The following FAF1 variants were observed in gnomAD, a reference collection of about 807,000 sequenced individuals.
FAF1 encodes the protein Fas associated factor 1.
A neutral mutation model predicts 92.5 loss-of-function variants in FAF1; 25 were observed. The ratio of observed to expected loss-of-function variants is 0.27; its 90% confidence interval spans 0.20 to 0.38. FAF1 has a LOEUF of 0.38. Among genes scored for constraint, FAF1 ranks in the 10% least tolerant of loss-of-function variants. The pLI, the probability that FAF1 is intolerant of heterozygous loss-of-function variation, is 1.00. For missense variants in FAF1, 636 were observed against 793.3 expected, an observed-to-expected ratio of 0.80 and a Z score of 2.38; for synonymous variants, 234 against 273.2, an observed-to-expected ratio of 0.86 and a Z score of 1.42.
At chr1:50,774,716 A>G (rs899899570) in intron 4 of FAF1, among the ~76,000 whole-genome samples, 4 of 152,146 alleles carry the variant, frequency 2.6e-5, no homozygotes, top group Admixed American at 2.6e-4. Flanking sequence ...TTAAACAAAT[A>G]GCTGCATGTT....
intron 3 of FAF1, among the ~76,000 whole-genome samples, chr1:50,796,672 C>T (rs1001390405): frequency 6.6e-6 from 1 of 152,096 alleles, no homozygotes; most frequent in African/African-American, 2.4e-5. Context: ...TTTCCCTGGG[C>T]TCCTTTCCTC....
At chr1:50,598,744 G>A (rs1269460653) in intron 8 of FAF1, among the ~76,000 whole-genome samples, 1 of 152,186 alleles carries the variant, frequency 6.6e-6, no homozygotes, top group African/African-American at 2.4e-5. Flanking sequence ...GCTGAGGCGA[G>A]TGGATCACCT....
Position 50,827,023 on chromosome 1 carries a change from G to A in FAF1, c.115-25346C>T, listed in dbSNP as rs528254645. On this transcript the variant is annotated intron_variant, in intron 2 of 18. Transcript: ENST00000396153. Reference sequence around the variant, plus strand: ...ATGTGAGGAGTGCCTCTGCCCGGCCGCCCCGTCTGGGAGGTGAGGAGCGCC... The same window carrying A: ...ATGTGAGGAGTGCCTCTGCCCGGCCACCCCGTCTGGGAGGTGAGGAGCGCC... 4.1e-4 allele frequency among the ~76,000 whole-genome samples: 57 copies of A among 140,540 alleles called. 1 individual carries two copies. The South Asian group carries it at 9.3e-3, about 23-fold the overall frequency. The allele number at this position is 140,540 out of a possible 152,430, so 92.2% of individuals were successfully genotyped here.
chr1:50,763,787 C>T (rs1294545602), intron 4 of FAF1, among the ~76,000 whole-genome samples: 1 of 152,122 alleles, frequency 6.6e-6, no homozygotes, highest in Non-Finnish European at 1.5e-5. Context: ...TTCCAAATGA[C>T]CAATGGATTT....
chr1:50,678,933 A>G (rs1489061868), intron 7 of FAF1, among the ~76,000 whole-genome samples: 1 of 151,164 alleles, frequency 6.6e-6, no homozygotes, highest in African/African-American at 2.4e-5. Flanking sequence ...TAAAAATACA[A>G]AAAAGTAGCC....
chr1:50,537,328 A>G (rs945622920), intron 14 of FAF1, among the ~76,000 whole-genome samples: 7 of 152,198 alleles, frequency 4.6e-5, no homozygotes, highest in African/African-American at 1.4e-4. Flanking sequence ...GCCAAACTGG[A>G]CTTGTAGGTA....
intron 9 of FAF1, among the ~76,000 whole-genome samples, chr1:50,594,907 T>A (rs1375710216): frequency 6.7e-6 from 1 of 148,734 alleles, no homozygotes; most frequent in Non-Finnish European, 1.5e-5. Context: ...TATATATTCT[T>A]TAGGCTCACT....
chr1:50,840,973 C>T (rs1446994289), intron 2 of FAF1, among the ~76,000 whole-genome samples: 2 of 152,094 alleles, frequency 1.3e-5, no homozygotes, highest in East Asian at 3.9e-4. Flanking sequence ...CCACATACTA[C>T]TGAGTCTGGA....
In FAF1 at chr1:50,850,222, C is replaced by T. The variant is rs575467685; in HGVS notation, c.114+7707G>A. ...AAAAACTTAGAGGTAGAAATACATA[C>T]GGCATGTCTGAGAATATAGGCTAAC... On this transcript the variant is annotated intron_variant, in intron 2 of 18. Coordinates refer to ENST00000396153, the MANE Select transcript of FAF1 (RefSeq NM_007051.3). Among the ~76,000 whole-genome samples, 13 of 151,996 alleles carry T rather than the reference C, an allele frequency of 8.6e-5. No homozygotes were observed. In the South Asian group the frequency reaches 2.5e-3, roughly 29 times the overall value.
intron 1 of FAF1, among the ~76,000 whole-genome samples, chr1:50,879,478 T>C (rs1295501025): frequency 1.3e-5 from 2 of 152,140 alleles, no homozygotes; most frequent in Non-Finnish European, 2.9e-5. Flanking sequence ...TGCTATAATA[T>C]ATGTTAAAAA....
chr1:50,579,691 A>C (rs989205336), intron 12 of FAF1, among the ~76,000 whole-genome samples: 3 of 152,148 alleles, frequency 2.0e-5, no homozygotes, highest in African/African-American at 4.8e-5. Context: ...GGAAACAATC[A>C]CACAAATCCA....
intron 1 of FAF1, among the ~76,000 whole-genome samples, chr1:50,931,866 T>G (rs1302674354): frequency 7.6e-6 from 1 of 131,710 alleles, no homozygotes; most frequent in Non-Finnish European, 1.6e-5. Context: ...AGAGCAAGAC[T>G]CTGTCTCAAA....
Position 50,438,027 on chromosome 1 carries a change from A to C in FAF1, c.*3413T>G, listed in dbSNP as rs1646141294. Reference sequence around the variant, plus strand: ...GACAGAGCGAGACTCTGTCTCAAAAAAAAAAAAAAAAAAAAAAAAAAATTA... The same window carrying C: ...GACAGAGCGAGACTCTGTCTCAAAACAAAAAAAAAAAAAAAAAAAAAATTA... On this transcript the variant is annotated 3_prime_UTR_variant, in exon 19 of 19. Transcript: ENST00000396153. 1 of 150,720 alleles carries C rather than the reference A, an allele frequency of 6.6e-6. No homozygotes were observed. Among genetic ancestry groups the C allele is most frequent in the Admixed American group, 6.6e-5 (1 of 15,112 alleles). 9.3% of individuals were successfully genotyped at this position (150,720 alleles called of 1,614,324 possible).
At chr1:50,517,226 T>A (rs942821485) in intron 15 of FAF1, among the ~76,000 whole-genome samples, 7 of 152,136 alleles carry the variant, frequency 4.6e-5, no homozygotes, top group Admixed American at 4.6e-4. Flanking sequence ...CCCCTGCCCT[T>A]ACATACTGGA....
intron 13 of FAF1, among the ~76,000 whole-genome samples, chr1:50,546,080 C>T (rs558826753): frequency 6.6e-6 from 1 of 152,134 alleles, no homozygotes; most frequent in South Asian, 2.1e-4. Context: ...GCAGAAGGAT[C>T]GCTTGAGGCC....
chr1:50,655,022 G>A (rs1263989136), intron 8 of FAF1, among the ~76,000 whole-genome samples: 1 of 150,478 alleles, frequency 6.6e-6, no homozygotes, highest in Non-Finnish European at 1.5e-5. Flanking sequence ...CCAGGCTGGA[G>A]TGCAATGGCG....
intron 18 of FAF1, chr1:50,452,193 T>A: frequency 7.6e-7 from 1 of 1,310,676 alleles, no homozygotes; most frequent in Non-Finnish European, 1.0e-6. Flanking sequence ...AGTCCTGGAA[T>A]CTGGAAGACA....
chr1:50,876,742 C>A (rs1557570689), intron 1 of FAF1, among the ~76,000 whole-genome samples: 1 of 152,228 alleles, frequency 6.6e-6, no homozygotes, highest in East Asian at 1.9e-4. Flanking sequence ...CACCACCACA[C>A]CTGGCTAATG....
At position 50,441,175 on chromosome 1, in the gene FAF1, G is replaced by A. The variant is rs558188444; in HGVS notation, c.*265C>T. 9.0e-5 allele frequency: 33 copies of A among 365,872 alleles called. No individual in the cohort carries two copies. The South Asian group carries it at 2.0e-3, about 23-fold the overall frequency. 22.7% of individuals were successfully genotyped at this position (365,872 alleles called of 1,614,324 possible). On this transcript the variant is annotated 3_prime_UTR_variant, in exon 19 of 19. Transcript: ENST00000396153. ...TCACTCACACTTGAACAATGCATTC[G>A]TCATTGAAGGAGGGTGAAGTGCAGG...
Sources: gnomAD v4.1 joint callset for allele counts (sites outside exome capture counted in the v4.1 genomes callset) on GRCh38, gnomAD v4.1.1 for gene constraint, MANE v1.5 for transcripts, NCBI Gene and HGNC (gene_info 2026-07-23, HGNC 2026-07-21) for gene names.